The following SH2D6 variants were observed in gnomAD, a reference collection of about 807,000 sequenced individuals.
The protein encoded by SH2D6 is SH2 domain-containing protein 6.
In SH2D6, 31 loss-of-function variants were observed where a neutral mutation model predicts 30.2. That is an observed-to-expected ratio of 1.03 (90% CI 0.77 to 1.38). The LOEUF (loss-of-function observed/expected upper bound fraction) is 1.38, where lower values mean the gene tolerates loss of function less well. Among genes scored for constraint, SH2D6 ranks in the 40% most tolerant of loss-of-function variants. The pLI is 0.00. For synonymous variants in SH2D6, 93 were observed against 104.6 expected, an observed-to-expected ratio of 0.89 and a Z score of 0.68; for missense variants, 240 against 266.8, an observed-to-expected ratio of 0.90 and a Z score of 0.70.
At chr2:85,433,808 C>T (rs1171452806) in intron 16 of SH2D6, among the ~76,000 whole-genome samples, 177 bp downstream of exon 16, 1 of 152,238 alleles carries the variant, frequency 6.6e-6, no homozygotes, top group African/African-American at 2.4e-5. Flanking sequence ...TCCAGGCTGA[C>T]CCACACTGTG....
At position 85,434,313 on chromosome 2, in the gene SH2D6, T is replaced by C. The variant is rs1205697525; in HGVS notation, c.534-27T>C. On this transcript the variant is annotated intron_variant, in intron 17 of 23. Coordinates refer to ENST00000469800, the MANE Select transcript of SH2D6 (RefSeq NM_001394463.1). Reference sequence around the variant, plus strand: ...TCTTGAAAAACATAAAGACCCTGAGTTCTGTCCCCCGATTTGCTTCCCACA... The same window carrying C: ...TCTTGAAAAACATAAAGACCCTGAGCTCTGTCCCCCGATTTGCTTCCCACA... 6 of 1,539,170 alleles carry C rather than the reference T, an allele frequency of 3.9e-6. No homozygotes were observed. In the South Asian group the frequency reaches 6.0e-5, roughly 15 times the overall value.
chr2:85,425,717 C>G (rs1687986546), intron 6 of SH2D6, among the ~76,000 whole-genome samples: 2 of 152,222 alleles, frequency 1.3e-5, no homozygotes, highest in Non-Finnish European at 2.9e-5. Flanking sequence ...CACAGCCAAG[C>G]CAGCCTGGCA....
intron 19 of SH2D6, 56 bp downstream of exon 19, chr2:85,434,553 AG>A: frequency 6.5e-7 from 1 of 1,543,168 alleles, no homozygotes; most frequent in Non-Finnish European, 8.8e-7. Context: ...GTTCACAGTC[AG>A]TTACAGATCA....
intron 6 of SH2D6, among the ~76,000 whole-genome samples, chr2:85,426,344 T>C (rs1377409888): frequency 6.6e-6 from 1 of 152,212 alleles, no homozygotes; most frequent in African/African-American, 2.4e-5. Context: ...GTTTAGAGCC[T>C]TTGATTATGA....
Position 85,429,594 on chromosome 2 carries a change from T to C in SH2D6, c.11T>C (p.Leu4Pro), listed in dbSNP as rs1034901069. The C allele has an allele frequency of 6.6e-6, 1 of 152,646 alleles. No homozygotes were observed. The highest frequency in any genetic ancestry group is 1.5e-5 in the Non-Finnish European group (1 of 68,148). 9.5% of individuals were successfully genotyped at this position (152,646 alleles called of 1,614,324 possible). Reference sequence around the variant, plus strand: ...CACCCTGGCTTTTTCCAGGACAAGCTCAGTGGGAGCAGGCCCCGGTGAGTA... The same window carrying C: ...CACCCTGGCTTTTTCCAGGACAAGCCCAGTGGGAGCAGGCCCCGGTGAGTA... Reference protein sequence around the residue: MDKLSGSRPRLGPP... With the variant: MDKPSGSRPRLGPP... Residue 4 changes from leucine (L) to proline (P), a missense_variant, in exon 9 of 24, where the codon CTC (leucine) becomes CCC (proline). Leu to Pro is a moderately conservative substitution (Grantham distance 98). Coordinates refer to ENST00000469800, the MANE Select transcript of SH2D6 (RefSeq NM_001394463.1).
Position 85,430,483 on chromosome 2 carries a change from G to A in SH2D6, c.135+49G>A. On this transcript the variant is annotated intron_variant, in intron 11 of 23. Coordinates refer to ENST00000469800, the MANE Select transcript of SH2D6 (RefSeq NM_001394463.1). This position sits in a 1 kb window ranked among gnomAD's most constrained non-coding sequence, Gnocchi z 4.3. ...GGTGGGGAGGCAGCGGCCAGAGCCT[G>A]CTTTGAACACCCTCTCCCCTCCATT... 1 of 152,966 alleles carries A rather than the reference G, an allele frequency of 6.5e-6. No individual in the cohort carries two copies. The highest frequency in any genetic ancestry group is 1.5e-5 in the Non-Finnish European group (1 of 68,232). 9.5% of individuals were successfully genotyped at this position (152,966 alleles called of 1,614,324 possible).
chr2:85,423,357 G>A (rs1181161212), intron 5 of SH2D6, among the ~76,000 whole-genome samples: 2 of 151,990 alleles, frequency 1.3e-5, no homozygotes, highest in South Asian at 2.1e-4. Flanking sequence ...TCAGCCTCCC[G>A]TGTAAGTGGG....
At chr2:85,422,031 A>C (rs1391347280) in intron 2 of SH2D6, 172 bp from the exon 3 acceptor site, 1 of 152,222 alleles carries the variant, frequency 6.6e-6, no homozygotes, top group Non-Finnish European at 1.5e-5. Flanking sequence ...TGAGTGCAGG[A>C]TAAAGAGCCA....
intron 5 of SH2D6, among the ~76,000 whole-genome samples, chr2:85,423,382 C>T (rs1441744817): frequency 6.6e-6 from 1 of 151,868 alleles, no homozygotes; most frequent in African/African-American, 2.4e-5. Flanking sequence ...TAGGCGTGTG[C>T]TATCACACCC....
In SH2D6 at chr2:85,419,247, G is replaced by T. The variant is rs1687660081; in HGVS notation, c.-577+3G>T. 1 of 152,370 alleles carries T rather than the reference G, an allele frequency of 6.6e-6. No individual in the cohort carries two copies. The highest frequency in any genetic ancestry group is 1.5e-5 in the Non-Finnish European group (1 of 68,140). The allele number at this position is 152,370 out of a possible 1,614,324, so 9.4% of individuals were successfully genotyped here. ...CAATTTTACATGGCAGAGTCAAGGT[G>T]AGGTTAGGAGGCTGCCAGGAGGTAA... On this transcript the variant is annotated splice_donor_region_variant and intron_variant, in intron 2 of 23. Coordinates refer to ENST00000469800, the MANE Select transcript of SH2D6 (RefSeq NM_001394463.1).
chr2:85,419,581 G>T (rs1040114888), intron 2 of SH2D6, among the ~76,000 whole-genome samples: 1 of 151,178 alleles, frequency 6.6e-6, no homozygotes, highest in African/African-American at 2.5e-5. Context: ...TGTATCGGGA[G>T]CAGTGACACC....
At position 85,436,885 on chromosome 2, in the gene SH2D6, G is replaced by C. The variant is rs1238395767; in HGVS notation, c.*61G>C. Reference sequence around the variant, plus strand: ...ACTAGGTCCTGGATGAAGGAACCGTGGTGGCCTAGACCAGTCAGGGGACAG... The same window carrying C: ...ACTAGGTCCTGGATGAAGGAACCGTCGTGGCCTAGACCAGTCAGGGGACAG... On this transcript the variant is annotated 3_prime_UTR_variant, in exon 24 of 24. Coordinates refer to ENST00000469800, the MANE Select transcript of SH2D6 (RefSeq NM_001394463.1). The C allele has an allele frequency of 2.7e-6, 1 of 365,308 alleles. No individual in the cohort carries two copies. The allele number at this position is 365,308 out of a possible 1,614,324, so 22.6% of individuals were successfully genotyped here.
At chr2:85,432,248 A>ATT (rs36079023) in intron 14 of SH2D6, among the ~76,000 whole-genome samples, 87 of 130,894 alleles carry the variant, frequency 6.6e-4, no homozygotes, top group South Asian at 2.2e-3. Context: ...GGCTGCTCTG[A>ATT]TTTTTTTTTT....
Position 85,436,560 on chromosome 2 carries a change from T to C in SH2D6, c.986T>C (p.Leu329Pro), listed in dbSNP as rs1007982226. 1 of 1,613,650 alleles carries C rather than the reference T, an allele frequency of 6.2e-7. No homozygotes were observed. The highest frequency in any genetic ancestry group is 1.7e-5 in the Admixed American group (1 of 59,998). Reference protein sequence around the residue: ...RHSGSRELTCLLFPTKP With the variant: ...RHSGSRELTCPLFPTKP ...AGCGGCAGCCGGGAACTCACCTGCC[T>C]GCTCTTCCCCACCAAGCCTTGAGGC... is the stretch of plus-strand genomic sequence containing the variant. The change falls in exon 23 of 24, where the codon CTG becomes CCG. Residue 329 changes from leucine (L) to proline (P), a missense_variant. By Grantham distance (98) the Leu-to-Pro change is moderately conservative. Coordinates refer to ENST00000469800, the MANE Select transcript of SH2D6 (RefSeq NM_001394463.1).
At chr2:85,436,659 T>G (rs1198925903) in intron 23 of SH2D6, 65 bp downstream of exon 23, 1 of 1,193,930 alleles carries the variant, frequency 8.4e-7, no homozygotes, top group African/African-American at 1.5e-5. Context: ...TCTTCCTCTC[T>G]CCTTCCCCAC....
At chr2:85,419,611 T>C (rs998387130) in intron 2 of SH2D6, among the ~76,000 whole-genome samples, 4 of 152,232 alleles carry the variant, frequency 2.6e-5, no homozygotes, top group Non-Finnish European at 5.9e-5. Context: ...AGCAACACAT[T>C]GGACTTTCTG....
At chr2:85,435,610 A>G in intron 21 of SH2D6, 56 bp from the exon 22 acceptor site, 1 of 1,578,996 alleles carries the variant, frequency 6.3e-7, no homozygotes, top group Non-Finnish European at 8.6e-7. Flanking sequence ...ATCATGGGTC[A>G]GGGCAGTGGG....
At chr2:85,423,198 T>G (rs12998122) in intron 5 of SH2D6, among the ~76,000 whole-genome samples, 147,786 of 152,102 alleles carry the variant, frequency 0.97, 71,813 homozygotes, top group African/African-American at 0.98. Context: ...TGTTTTTTTT[T>G]TTGTTGTTGT....
chr2:85,435,659 T>C lies in SH2D6; in HGVS notation c.733-7T>C, dbSNP rs767942987. On this transcript the variant is annotated splice_polypyrimidine_tract_variant and splice_region_variant and intron_variant, in intron 21 of 23. Transcript: ENST00000469800. ...GATGAGGTTGATGGCTGGGGTCTCC[T>C]CCACAGGATGGGGCCTATACCGTGC... 6.3e-7 allele frequency: 1 copy of C among 1,593,318 alleles called. No homozygotes were observed. Among genetic ancestry groups the C allele is most frequent in the South Asian group, 1.1e-5 (1 of 88,644 alleles).
Sources: gnomAD v4.1 joint callset for allele counts (sites outside exome capture counted in the v4.1 genomes callset) on GRCh38, gnomAD v4.1.1 for gene constraint, Gnocchi (gnomAD v3.1) non-coding constraint, MANE v1.5 for transcripts, NCBI Gene and HGNC (gene_info 2026-07-23, HGNC 2026-07-21) for gene names.